Variants in MDN1 observed in about 807,000 individuals in gnomAD.
MDN1 encodes the protein midasin.
MDN1 carries 266 observed loss-of-function variants against 669.2 expected under a neutral mutation model. The observed-to-expected ratio is 0.40, with a 90% CI of 0.36 to 0.44. MDN1 has a LOEUF of 0.44. MDN1 is among the 20% of genes least tolerant of loss of function. The pLI is 1.00. For synonymous variants in MDN1, 2,385 were observed against 2,457.1 expected, an observed-to-expected ratio of 0.97 and a Z score of 0.87; for missense variants, 5,940 against 6,754.0, an observed-to-expected ratio of 0.88 and a Z score of 4.22.
intron 95 of MDN1, 47 bp downstream of exon 95, chr6:89,652,145 A>C (rs747001403): frequency 2.0e-6 from 3 of 1,530,110 alleles, no homozygotes; most frequent in Non-Finnish European, 1.8e-6. Flanking sequence ...AACAAACAAA[A>C]AAAAAGTCGA....
At position 89,658,419 on chromosome 6, in the gene MDN1, A is replaced by T. The variant is rs546826128; in HGVS notation, c.15022-49T>A. 3.7e-6 allele frequency: 6 copies of T among 1,610,184 alleles called. No individual in the cohort carries two copies. In the African/African-American group the frequency reaches 8.0e-5, roughly 21 times the overall value. ...GCATTAAATGCTCTGGGGGAACAGC[A>T]TAAGGTGGGAGACCTTGCAACAAGC... On this transcript the variant is annotated intron_variant, in intron 89 of 101. Transcript: ENST00000369393.
chr6:89,682,600 C>T (rs771359916), intron 73 of MDN1, among the ~76,000 whole-genome samples: 3 of 148,730 alleles, frequency 2.0e-5, no homozygotes, highest in African/African-American at 2.5e-5. Context: ...CCCAGCTACT[C>T]GGGAGGCTGA....
intron 33 of MDN1, among the ~76,000 whole-genome samples, chr6:89,734,716 A>AGC (rs1562158027): frequency 6.8e-6 from 1 of 146,774 alleles, no homozygotes; most frequent in African/African-American, 2.5e-5. Context: ...AGAGAGAGAG[A>AGC]ACTCCCTGAT....
chr6:89,714,663 C>G lies in MDN1; in HGVS notation c.6949G>C (p.Asp2317His). The change falls in exon 46 of 102, where the codon GAT (aspartate) becomes CAT (histidine). Residue 2317 changes from aspartate to histidine, a missense_variant. This residue lies in a region of MDN1 where 2,292 missense variants were observed against 2,638.3 expected (regional missense o/e 0.87). Transcript: ENST00000369393. ...TCCAGGTTGTCTGGGGTGCTTGCAT[C>G]CCCTTCCCCTGAAATGTAGATTTCA... Reference protein sequence around the residue: ...GLEIYISGEGDASTPDNLDLK... With the variant: ...GLEIYISGEGHASTPDNLDLK... The G allele has an allele frequency of 6.2e-7, 1 of 1,614,142 alleles. No homozygotes were observed. Among genetic ancestry groups the G allele is most frequent in the Non-Finnish European group, 8.5e-7 (1 of 1,179,994 alleles).
chr6:89,667,432 A>C (rs1446411589), intron 84 of MDN1, among the ~76,000 whole-genome samples: 1 of 152,198 alleles, frequency 6.6e-6, no homozygotes. Context: ...CTTAAATACA[A>C]GTTTCTGATC....
chr6:89,766,895 T>G (rs143987206), intron 15 of MDN1, among the ~76,000 whole-genome samples: 1 of 152,328 alleles, frequency 6.6e-6, no homozygotes, highest in Admixed American at 6.5e-5. Context: ...TTTATTACTA[T>G]TTCTACAATA....
At chr6:89,756,169 T>G (rs1474582190) in intron 20 of MDN1, 108 bp downstream of exon 20, 4 of 532,266 alleles carry the variant, frequency 7.5e-6, no homozygotes, top group Non-Finnish European at 9.9e-6. Flanking sequence ...CTGCCATCAG[T>G]TTTCTCAAGT....
intron 85 of MDN1, among the ~76,000 whole-genome samples, chr6:89,663,481 G>C (rs1195323984): frequency 1.3e-5 from 2 of 152,192 alleles, no homozygotes; most frequent in Non-Finnish European, 2.9e-5. Context: ...ATTTCTGCAA[G>C]ATATTCATTT....
intron 17 of MDN1, among the ~76,000 whole-genome samples, chr6:89,759,700 G>A (rs1363725444): frequency 1.3e-5 from 2 of 151,690 alleles, no homozygotes; most frequent in African/African-American, 4.8e-5. Flanking sequence ...GGAGGCGGAG[G>A]TTGCAGTGAG....
chr6:89,708,382 C>G, intron 51 of MDN1, 114 bp downstream of exon 51: 1 of 1,318,786 alleles, frequency 7.6e-7, no homozygotes, highest in Admixed American at 2.2e-5. Flanking sequence ...CACCCCACAA[C>G]TTCTCAGGTT....
Position 89,673,164 on chromosome 6 carries a change from A to G in MDN1, c.13474+72T>C, listed in dbSNP as rs945278251. The G allele has an allele frequency of 1.2e-5, 16 of 1,312,930 alleles. No individual in the cohort carries two copies. The African/African-American group carries it at 2.2e-4, about 18-fold the overall frequency. The allele number at this position is 1,312,930 out of a possible 1,614,324, so 81.3% of individuals were successfully genotyped here. A position where few individuals can be genotyped will look rare whatever the true frequency, so the allele number is the denominator to read the frequency against. On this transcript the variant is annotated intron_variant, in intron 80 of 101. Transcript: ENST00000369393. Reference sequence around the variant, plus strand: ...CCAAAATATAATGTGTCTTTTGGACAATGAGACTTACATCTATAAGACATC... The same window carrying G: ...CCAAAATATAATGTGTCTTTTGGACGATGAGACTTACATCTATAAGACATC...
chr6:89,672,830 AAAG>A, intron 80 of MDN1, 128 bp from the exon 81 acceptor site: 1 of 1,031,598 alleles, frequency 9.7e-7, no homozygotes. Flanking sequence ...TGCCAGATAC[AAAG>A]AAGAGACAAA....
At chr6:89,745,134 T>TTA (rs1554190736) in intron 29 of MDN1, 139 bp downstream of exon 29, 6 of 282,988 alleles carry the variant, frequency 2.1e-5, no homozygotes, top group East Asian at 3.5e-4. Flanking sequence ...AGTCTCTTCT[T>TTA]AAAAAAAAAA....
intron 8 of MDN1, among the ~76,000 whole-genome samples, chr6:89,786,056 G>A (rs1818941070): frequency 1.3e-5 from 2 of 152,094 alleles, no homozygotes; most frequent in Admixed American, 1.3e-4. Context: ...GAGGCCAGAA[G>A]TTCAAGACCA....
chr6:89,672,670 C>A lies in MDN1; in HGVS notation c.13507G>T (p.Asp4503Tyr), dbSNP rs1810891077. The A allele has an allele frequency of 6.2e-7, 1 of 1,614,006 alleles. No homozygotes were observed. ...NQMLDEGFVE[D>Y]FSEQMEIAIR... ...GCAATTTCCATTTGCTCTGAAAAAT[C>A]TTCCACAAATCCTTCGTCCAACATT... Residue 4503 changes from aspartate (D) to tyrosine (Y), a missense_variant, in exon 81 of 102, where the codon GAT becomes TAT. Transcript: ENST00000369393.
chr6:89,713,468 T>C (rs1814101091), intron 46 of MDN1, among the ~76,000 whole-genome samples, 172 bp from the exon 47 acceptor site: 1 of 152,196 alleles, frequency 6.6e-6, no homozygotes, highest in Admixed American at 6.5e-5. Flanking sequence ...AAAGGACCTG[T>C]AGGAACCTTT....
intron 1 of MDN1, among the ~76,000 whole-genome samples, chr6:89,816,220 T>C (rs1334235350): frequency 3.3e-5 from 5 of 150,846 alleles, no homozygotes; most frequent in Non-Finnish European, 7.4e-5. Flanking sequence ...GCTAACATGG[T>C]GAAACCCCGT....
At chr6:89,794,976 T>G (rs564753726) in intron 2 of MDN1, among the ~76,000 whole-genome samples, 175 bp from the exon 3 acceptor site, 1 of 152,308 alleles carries the variant, frequency 6.6e-6, no homozygotes, top group Non-Finnish European at 1.5e-5. Context: ...AATTCTCTAC[T>G]CTGACCAAAC....
rs148605245 is a variant in MDN1 at position 89,743,582 on chromosome 6, G to A, written c.4311C>T (p.Asn1437=). 48 of 1,613,364 alleles carry A rather than the reference G, an allele frequency of 3.0e-5. 1 individual carries two copies. The South Asian group carries it at 4.3e-4, about 14-fold the overall frequency. Residue 1437 remains asparagine (N), a synonymous_variant, in exon 30 of 102, where the codon AAC becomes AAT. Transcript: ENST00000369393. ...GGLRPVRQKP[N]DKEEIDTSRL... ...CACTTGCTGCTGGACAAACCTTGTC[G>A]TTTGGCTTTTGTCTCACTGGCCGCA...
Sources: allele counts gnomAD v4.1 joint callset (sites outside exome capture counted in the v4.1 genomes callset), GRCh38; gene constraint gnomAD v4.1.1; regional missense constraint gnomAD v4.1.1; transcripts MANE v1.5; gene names NCBI Gene and HGNC (gene_info 2026-07-23, HGNC 2026-07-21).